The following UGGT2 variants were observed in gnomAD, a reference collection of about 807,000 sequenced individuals.
UGGT2 encodes UDP-glucose glycoprotein glucosyltransferase 2.
In UGGT2, 180 loss-of-function variants were observed where a neutral mutation model predicts 192.1. The ratio of observed to expected loss-of-function variants is 0.94; its 90% CI spans 0.83 to 1.06. The LOEUF is 1.06. Among genes scored for constraint, UGGT2 ranks in the 50% least tolerant of loss-of-function variants. UGGT2 has a pLI of 0.00. For missense variants in UGGT2, 1,849 were observed against 1,795.7 expected (o/e 1.03, Z -0.54); for synonymous variants, 580 against 591.0 (o/e 0.98, Z 0.27).
chr13:95,999,641 AAC>A (rs2140926790), intron 5 of UGGT2, among the ~76,000 whole-genome samples: 1 of 152,316 alleles, frequency 6.6e-6, no homozygotes, highest in South Asian at 2.1e-4. Context: ...GACAAGTTTC[AAC>A]AAAACTGTTT....
intron 1 of UGGT2, 85 bp downstream of exon 1, chr13:96,053,070 A>G: frequency 7.2e-7 from 1 of 1,388,110 alleles, no homozygotes; most frequent in Non-Finnish European, 9.3e-7. Context: ...TGGGAGCCAG[A>G]CACCCGCTGC....
chr13:95,902,012 T>G (rs1408558397), intron 21 of UGGT2, among the ~76,000 whole-genome samples: 1 of 152,164 alleles, frequency 6.6e-6, no homozygotes, highest in Non-Finnish European at 1.5e-5. Context: ...TTAGCTCCCT[T>G]GAATGCTCCC....
rs368288449 is a variant in UGGT2, at chr13:95,905,514, T to C, written c.2296-2454A>G. Among the ~76,000 whole-genome samples the C allele has an allele frequency of 8.5e-3, 1,284 of 151,892 alleles. 29 individuals are homozygous for C. Among genetic ancestry groups the C allele is most frequent in the Admixed American group, 0.048 (724 of 15,240 alleles). ...GGATCCAGTTTCAGCTTTCTACATATGGCTAGCCAGTTTTCCCAGCACCAT... is the reference window on the plus strand; with the variant it reads ...GGATCCAGTTTCAGCTTTCTACATACGGCTAGCCAGTTTTCCCAGCACCAT... On this transcript the variant is annotated intron_variant, in intron 20 of 38. Coordinates refer to ENST00000376747, the MANE Select transcript of UGGT2 (RefSeq NM_020121.4).
intron 2 of UGGT2, among the ~76,000 whole-genome samples, chr13:96,028,709 T>C (rs1421184669): frequency 2.0e-5 from 3 of 152,242 alleles, no homozygotes; most frequent in African/African-American, 7.2e-5. Context: ...TTACAATTTT[T>C]TTAGGCAGGT....
At chr13:95,959,531 G>A (rs548431373) in intron 12 of UGGT2, among the ~76,000 whole-genome samples, 41 of 152,240 alleles carry the variant, frequency 2.7e-4, no homozygotes, top group African/African-American at 4.3e-4. Context: ...GTCCAGGGAC[G>A]TGGGGATCAC....
At chr13:95,992,887 C>G (rs1220035398) in intron 7 of UGGT2, among the ~76,000 whole-genome samples, 1 of 152,136 alleles carries the variant, frequency 6.6e-6, no homozygotes, top group Non-Finnish European at 1.5e-5. Context: ...GAACTTCAAA[C>G]TACCACTCAA....
At chr13:95,906,631 T>A (rs1271513917) in intron 20 of UGGT2, among the ~76,000 whole-genome samples, 2 of 152,220 alleles carry the variant, frequency 1.3e-5, no homozygotes, top group East Asian at 3.9e-4. Context: ...TGTACTCCAA[T>A]AAGGATAAAT....
chr13:95,835,262 G>A (rs551153555), intron 37 of UGGT2, among the ~76,000 whole-genome samples: 1 of 152,214 alleles, frequency 6.6e-6, no homozygotes, highest in East Asian at 1.9e-4. Context: ...GCACACAGGA[G>A]GGCTACTCAA....
At chr13:96,023,806 T>C in intron 2 of UGGT2, 47 bp from the exon 3 acceptor site, 1 of 1,448,310 alleles carries the variant, frequency 6.9e-7, no homozygotes, top group Non-Finnish European at 9.3e-7. Context: ...TTTTATACAC[T>C]GCACATTGGC....
chr13:95,885,119 C>T (rs2047609691), intron 26 of UGGT2, among the ~76,000 whole-genome samples: 1 of 152,108 alleles, frequency 6.6e-6, no homozygotes, highest in African/African-American at 2.4e-5. Flanking sequence ...ATTCTAGTAC[C>T]ACTTTTAAAA....
intron 22 of UGGT2, among the ~76,000 whole-genome samples, chr13:95,900,598 T>C (rs1300945803): frequency 6.6e-6 from 1 of 152,162 alleles, no homozygotes; most frequent in Non-Finnish European, 1.5e-5. Context: ...ACCCACATCA[T>C]CATTCTCATT....
chr13:95,948,043 ATCCAAGGTATAT>A lies in UGGT2; in HGVS notation c.1482_1493del (p.Glu494_Leu497del). ...AGAAAACATCAGCAAGTTTTATAAA[ATCCAAGGTATAT>A]TCTTGGGCCGGATCAATAAACAGAA... On this transcript the variant is annotated inframe_deletion, in exon 14 of 39. Coordinates refer to ENST00000376747, the MANE Select transcript of UGGT2 (RefSeq NM_020121.4). 1 of 1,613,278 alleles carries A rather than the reference ATCCAAGGTATAT, an allele frequency of 6.2e-7. No individual in the cohort carries two copies. Among genetic ancestry groups the A allele is most frequent in the Middle Eastern group, 1.7e-4 (1 of 6,038 alleles).
chr13:96,021,424 G>A (rs936175543), intron 4 of UGGT2, among the ~76,000 whole-genome samples: 1 of 152,050 alleles, frequency 6.6e-6, no homozygotes, highest in Non-Finnish European at 1.5e-5. Flanking sequence ...TTATATTATA[G>A]TGAGTCTAAT....
chr13:95,888,210 T>C (rs1334443150), intron 25 of UGGT2, among the ~76,000 whole-genome samples: 2 of 152,102 alleles, frequency 1.3e-5, no homozygotes, highest in Non-Finnish European at 2.9e-5. Context: ...TGTCCCAGGG[T>C]TATGCTGCTT....
At chr13:95,990,951 C>G (rs1236843912) in intron 7 of UGGT2, 1 of 152,312 alleles carries the variant, frequency 6.6e-6, no homozygotes, top group African/African-American at 2.4e-5. Context: ...TCGAGTCCCA[C>G]TTTTGAGTAA....
intron 4 of UGGT2, among the ~76,000 whole-genome samples, chr13:96,021,148 C>T (rs2052503305): frequency 6.6e-6 from 1 of 152,196 alleles, no homozygotes; most frequent in Admixed American, 6.5e-5. Flanking sequence ...CCTCATTCCT[C>T]AAGGTTGCTC....
At chr13:95,836,002 G>T (rs1887237527) in intron 37 of UGGT2, among the ~76,000 whole-genome samples, 1 of 152,156 alleles carries the variant, frequency 6.6e-6, no homozygotes, top group South Asian at 2.1e-4. Flanking sequence ...ATGTCAAGAT[G>T]ATAGCTAATC....
rs2049591547 is a variant in UGGT2 at position 95,939,554 on chromosome 13, G to GT, written c.1812+402dup. 3.5e-5 allele frequency among the ~76,000 whole-genome samples: 5 copies of GT among 141,802 alleles called. No homozygotes were observed. The South Asian group carries it at 9.3e-4, about 26-fold the overall frequency. 93.0% of individuals were successfully genotyped at this position (141,802 alleles called of 152,430 possible). On this transcript the variant is annotated intron_variant, in intron 16 of 38. Coordinates refer to ENST00000376747, the MANE Select transcript of UGGT2 (RefSeq NM_020121.4). Reference sequence around the variant, plus strand: ...TTGTTCACCTTTTAAAAAATGACAAGTAAAAAATATATATGTTTATGATAT... The same window carrying GT: ...TTGTTCACCTTTTAAAAAATGACAAGTTAAAAAATATATATGTTTATGATAT...
At chr13:95,965,800 C>T (rs1482661662) in intron 12 of UGGT2, among the ~76,000 whole-genome samples, 1 of 151,920 alleles carries the variant, frequency 6.6e-6, no homozygotes, top group African/African-American at 2.4e-5. Context: ...TAATGTTCAA[C>T]ATCACTAATT....
Sources: allele counts gnomAD v4.1 joint callset (sites outside exome capture counted in the v4.1 genomes callset), GRCh38; gene constraint gnomAD v4.1.1; transcripts MANE v1.5; gene names NCBI Gene and HGNC (gene_info 2026-07-23, HGNC 2026-07-21).